The following CTDSP1 variants were observed in gnomAD, a reference collection of about 807,000 sequenced individuals.
The protein encoded by CTDSP1 is carboxy-terminal domain RNA polymerase II polypeptide A small phosphatase 1.
Under a neutral mutation model 32.5 loss-of-function variants are expected in CTDSP1, and 15 were observed. The observed-to-expected ratio is 0.46, with a 90% CI of 0.31 to 0.71. The LOEUF is 0.71. Ranked by LOEUF, CTDSP1 falls within the 30% of genes least tolerant of loss-of-function variation. The probability of loss-of-function intolerance (pLI) is 0.05; values close to 1 mark genes in which losing one functional copy is unlikely to be tolerated. For synonymous variants in CTDSP1, 185 were observed against 145.4 expected, an observed-to-expected ratio of 1.27 and a Z score of -1.96; for missense variants, 294 against 351.1, an observed-to-expected ratio of 0.84 and a Z score of 1.30.
rs1337962418 is a variant in CTDSP1 at position 218,400,324 on chromosome 2, G to C, written c.67+167G>C. ...AGGGAGAGAGTTTGAACTCAGAGGA[G>C]GCTCAGAGACGCGGGGCGGGGCCTG... On this transcript the variant is annotated intron_variant, in intron 1 of 6. Coordinates refer to ENST00000273062, the MANE Select transcript of CTDSP1 (RefSeq NM_021198.3). 3 of 746,798 alleles carry C rather than the reference G, an allele frequency of 4.0e-6. 1 individual carries two copies. Among genetic ancestry groups the C allele is most frequent in the South Asian group, 3.0e-5 (2 of 67,110 alleles). The allele number at this position is 746,798 out of a possible 1,614,324, so 46.3% of individuals were successfully genotyped here.
intron 4 of CTDSP1, 64 bp downstream of exon 4, chr2:218,402,469 C>T (rs1453907604): frequency 1.3e-6 from 2 of 1,518,268 alleles, no homozygotes; most frequent in Non-Finnish European, 1.8e-6. Context: ...GCTCTTCCCA[C>T]CAATCCGGAG....
In CTDSP1 at chr2:218,405,273, TGGG is replaced by T. The variant is rs1316642822; in HGVS notation, c.*852_*854del. On this transcript the variant is annotated 3_prime_UTR_variant, in exon 7 of 7. Coordinates refer to ENST00000273062, the MANE Select transcript of CTDSP1 (RefSeq NM_021198.3). The stretch of plus-strand genomic sequence containing the variant: ...TTGCCCCTTTCCTGGGCCCAGAAGT[TGGG>T]GGGAGGGAGGGAAAGGATTTTTACA... 1 of 152,778 alleles carries T rather than the reference TGGG, an allele frequency of 6.5e-6. No homozygotes were observed. The highest frequency in any genetic ancestry group is 1.9e-4 in the East Asian group (1 of 5,318). The allele number at this position is 152,778 out of a possible 1,614,324, so 9.5% of individuals were successfully genotyped here.
Position 218,400,059 on chromosome 2 carries a change from G to C in CTDSP1, c.-32G>C, listed in dbSNP as rs1248975963. The stretch of plus-strand genomic sequence containing the variant: ...GGGGGGAGGCCGGGCGCCCGGGCCA[G>C]AGTCCGGCCGGAGCGGAGCGCGCCC... On this transcript the variant is annotated 5_prime_UTR_variant, in exon 1 of 7. Coordinates refer to ENST00000273062, the MANE Select transcript of CTDSP1 (RefSeq NM_021198.3). The C allele has an allele frequency of 6.8e-6, 9 of 1,317,232 alleles. No homozygotes were observed. The highest frequency in any genetic ancestry group is 8.8e-6 in the Non-Finnish European group (9 of 1,022,476). The allele number at this position is 1,317,232 out of a possible 1,614,324, so 81.6% of individuals were successfully genotyped here.
rs1226613182 is a variant in CTDSP1, at chr2:218,403,228, C to T, written c.472-4C>T. 1.2e-6 allele frequency: 2 copies of T among 1,611,724 alleles called. No individual in the cohort carries two copies. The highest frequency in any genetic ancestry group is 1.1e-5 in the South Asian group (1 of 90,912). On this transcript the variant is annotated splice_region_variant and splice_polypyrimidine_tract_variant and intron_variant, in intron 5 of 6. Coordinates refer to ENST00000273062, the MANE Select transcript of CTDSP1 (RefSeq NM_021198.3). ...CCCCAGGATGACCCACCTCCTGCTCCCAGTACGCAGACCCAGTAGCTGACC... is the reference window on the plus strand; with the variant it reads ...CCCCAGGATGACCCACCTCCTGCTCTCAGTACGCAGACCCAGTAGCTGACC...
Position 218,403,059 on chromosome 2 carries a change from G to A in CTDSP1, c.403G>A (p.Val135Met), listed in dbSNP as rs1485340634. The A allele has an allele frequency of 1.2e-6, 2 of 1,614,022 alleles. No homozygotes were observed. Among genetic ancestry groups the A allele is most frequent in the Non-Finnish European group, 1.7e-6 (2 of 1,179,998 alleles). ...HQVYVLKRPH[V>M]DEFLQRMGEL... ...GGTCTACGTGTTGAAGCGTCCTCAC[G>A]TGGATGAGTTCCTGCAGCGAATGGG... The change falls in exon 5 of 7, where the codon GTG becomes ATG. Residue 135 changes from valine to methionine, a missense_variant. Physicochemically the swap from Val to Met is conservative, Grantham distance 21. Around this residue, in one of 2 missense-constraint regions of CTDSP1, gnomAD observed 146 missense variants for 237.7 expected, o/e 0.61. Transcript: ENST00000273062.
intron 4 of CTDSP1, 133 bp downstream of exon 4, chr2:218,402,538 C>A: frequency 2.1e-6 from 2 of 969,172 alleles, no homozygotes; most frequent in Non-Finnish European, 3.3e-6. Flanking sequence ...GGGTGTGAGA[C>A]TTGTCCCAAA....
upstream of CTDSP1, chr2:218,399,332 G>A (rs1374718093): frequency 6.6e-6 from 1 of 152,304 alleles, no homozygotes; most frequent in African/African-American, 2.4e-5. Flanking sequence ...GCTGCGGGGG[G>A]CGGCGACCGT....
At position 218,403,055 on chromosome 2, in the gene CTDSP1, TCA is replaced by T; in HGVS notation, c.401_402del (p.His134ArgfsTer3). On this transcript the variant is annotated frameshift_variant, in exon 5 of 7. Coordinates refer to ENST00000273062, the MANE Select transcript of CTDSP1 (RefSeq NM_021198.3). LOFTEE classifies it high-confidence loss of function. ...VHQVYVLKRP[H>X]VDEFLQRMGE... ...CCCAGGTCTACGTGTTGAAGCGTCC[TCA>T]CGTGGATGAGTTCCTGCAGCGAATG... 2 of 1,613,884 alleles carry T rather than the reference TCA, an allele frequency of 1.2e-6. No homozygotes were observed. The highest frequency in any genetic ancestry group is 1.7e-5 in the Admixed American group (1 of 60,010).
upstream of CTDSP1, chr2:218,398,656 G>A (rs955999529): frequency 1.3e-5 from 5 of 393,970 alleles, no homozygotes; most frequent in South Asian, 1.3e-4. Flanking sequence ...CGCACCCGGC[G>A]GCCGGACGGG....
chr2:218,399,940 C>A lies in CTDSP1; in HGVS notation c.-151C>A. The A allele has an allele frequency of 1.7e-6, 2 of 1,166,820 alleles. No individual in the cohort carries two copies. Among genetic ancestry groups the A allele is most frequent in the African/African-American group, 1.6e-5 (1 of 60,722 alleles). The allele number at this position is 1,166,820 out of a possible 1,614,324, so 72.3% of individuals were successfully genotyped here. Reference sequence around the variant, plus strand: ...CCGCGCCCCCTCCCTCCCCCTCCCCCCTAGAACCTGGCTCCCCTCCCCTCC... The same window carrying A: ...CCGCGCCCCCTCCCTCCCCCTCCCCACTAGAACCTGGCTCCCCTCCCCTCC... On this transcript the variant is annotated 5_prime_UTR_variant, in exon 1 of 7. Coordinates refer to ENST00000273062, the MANE Select transcript of CTDSP1 (RefSeq NM_021198.3).
intron 3 of CTDSP1, 45 bp downstream of exon 3, chr2:218,402,260 C>T: frequency 6.2e-7 from 1 of 1,609,868 alleles, no homozygotes; most frequent in African/African-American, 1.3e-5. Context: ...CGGGGGGCAT[C>T]CCCCACCCTG....
Position 218,402,611 on chromosome 2 carries a change from G to A in CTDSP1, c.378+206G>A, listed in dbSNP as rs778510838. 3 of 755,140 alleles carry A rather than the reference G, an allele frequency of 4.0e-6. 1 individual carries two copies. In the South Asian group the frequency reaches 4.3e-5, roughly 11 times the overall value. The allele number at this position is 755,140 out of a possible 1,614,324, so 46.8% of individuals were successfully genotyped here. On this transcript the variant is annotated intron_variant, in intron 4 of 6. Coordinates refer to ENST00000273062, the MANE Select transcript of CTDSP1 (RefSeq NM_021198.3). ...CCTGCAGAGTGGGCTCCTCCTCTAG[G>A]CTCCCCCGTGCTGTGCTCCCTCGCC... is the stretch of plus-strand genomic sequence containing the variant.
At position 218,401,019 on chromosome 2, in the gene CTDSP1, C is replaced by T. The variant is rs910790186; in HGVS notation, c.68-545C>T. On this transcript the variant is annotated intron_variant, in intron 1 of 6. Transcript: ENST00000273062. ...TATCTGTCAATCAGGCTGCTGGGCT[C>T]CAGGTCGGAGGTCTGGGCGGGGCAG... 6 of 439,190 alleles carry T rather than the reference C, an allele frequency of 1.4e-5. No individual in the cohort carries two copies. In the Admixed American group the frequency reaches 1.4e-4, roughly 11 times the overall value. The allele number at this position is 439,190 out of a possible 1,614,324, so 27.2% of individuals were successfully genotyped here.
Position 218,402,182 on chromosome 2 carries a change from C to T in CTDSP1, c.288C>T (p.Asp96=), listed in dbSNP as rs1267225683. 2 of 1,613,650 alleles carry T rather than the reference C, an allele frequency of 1.2e-6. No homozygotes were observed. The highest frequency in any genetic ancestry group is 2.7e-5 in the African/African-American group (2 of 74,922). The part of the protein sequence containing the change: ...QDSDKICVVI[D]LDETLVHSSF... The stretch of plus-strand genomic sequence containing the variant: ...CAGACAAGATCTGCGTGGTCATCGA[C>T]CTGGACGAGACCCTGGTGCACAGCT... The change falls in exon 3 of 7, where the codon GAC becomes GAT. Residue 96 remains aspartate, a synonymous_variant. Transcript: ENST00000273062.
Position 218,399,987 on chromosome 2 carries a change from C to T in CTDSP1, c.-104C>T. 1 of 1,158,712 alleles carries T rather than the reference C, an allele frequency of 8.6e-7. No individual in the cohort carries two copies. The highest frequency in any genetic ancestry group is 1.1e-6 in the Non-Finnish European group (1 of 910,674). The allele number at this position is 1,158,712 out of a possible 1,614,324, so 71.8% of individuals were successfully genotyped here. On this transcript the variant is annotated 5_prime_UTR_variant, in exon 1 of 7. Coordinates refer to ENST00000273062, the MANE Select transcript of CTDSP1 (RefSeq NM_021198.3). ...CTCCGGAGCTCGCGGGGATCCCTCC[C>T]TCCCACCCCTCCCCTCCCCCCCGCG... is the stretch of plus-strand genomic sequence containing the variant.
At position 218,399,930 on chromosome 2, in the gene CTDSP1, C is replaced by G; in HGVS notation, c.-161C>G. 9.7e-7 allele frequency: 1 copy of G among 1,034,918 alleles called. No individual in the cohort carries two copies. The highest frequency in any genetic ancestry group is 1.7e-5 in the African/African-American group (1 of 57,432). 64.1% of individuals were successfully genotyped at this position (1,034,918 alleles called of 1,614,324 possible). A position where few individuals can be genotyped will look rare whatever the true frequency, so the allele number is the denominator to read the frequency against. Reference sequence around the variant, plus strand: ...AAAGTTTCCTCCGCGCCCCCTCCCTCCCCCTCCCCCCTAGAACCTGGCTCC... The same window carrying G: ...AAAGTTTCCTCCGCGCCCCCTCCCTGCCCCTCCCCCCTAGAACCTGGCTCC... On this transcript the variant is annotated 5_prime_UTR_variant, in exon 1 of 7. Transcript: ENST00000273062.
rs1278480344 is a variant in CTDSP1, at chr2:218,404,896, G to C, written c.*471G>C. On this transcript the variant is annotated 3_prime_UTR_variant, in exon 7 of 7. Transcript: ENST00000273062. ...GCTCTAGGCTGGGAGGGGAGAACCA[G>C]CCCCTCCCCCTGCCCCACCTCCTCC... 6.5e-6 allele frequency: 1 copy of C among 154,016 alleles called. No homozygotes were observed. Among genetic ancestry groups the C allele is most frequent in the African/African-American group, 2.4e-5 (1 of 41,420 alleles). The allele number at this position is 154,016 out of a possible 1,614,324, so 9.5% of individuals were successfully genotyped here.
At chr2:218,402,853 G>A (rs1385016127) in intron 4 of CTDSP1, 182 bp from the exon 5 acceptor site, 9 of 661,346 alleles carry the variant, frequency 1.4e-5, no homozygotes, top group African/African-American at 3.6e-5. Context: ...AGTTTTGATC[G>A]TTTTCTGGCG....
At chr2:218,397,183 C>T (rs1010646490), upstream of CTDSP1, among the ~76,000 whole-genome samples, 2 of 152,132 alleles carry the variant, frequency 1.3e-5, no homozygotes, top group Admixed American at 6.5e-5. Flanking sequence ...GTCAAGAAGA[C>T]ACGGAGACCC....
Sources: allele counts gnomAD v4.1 joint callset (sites outside exome capture counted in the v4.1 genomes callset), GRCh38; gene constraint gnomAD v4.1.1; regional missense constraint gnomAD v4.1.1; transcripts MANE v1.5; gene names NCBI Gene and HGNC (gene_info 2026-07-23, HGNC 2026-07-21).